The following ATG5 variants were observed in gnomAD, a reference collection of about 807,000 sequenced individuals.
The protein encoded by ATG5 is autophagy protein 5.
A neutral mutation model predicts 36.5 loss-of-function variants in ATG5; 14 were observed. That is an observed-to-expected ratio of 0.38 (90% CI 0.25 to 0.60). ATG5 has a LOEUF of 0.60. Ranked by LOEUF, ATG5 falls within the 20% of genes least tolerant of loss-of-function variation. ATG5 has a pLI of 0.60. For synonymous variants in ATG5, 95 were observed against 101.5 expected (o/e 0.94, Z 0.38); for missense variants, 195 against 326.7 (o/e 0.60, Z 3.11).
At chr6:106,310,396 T>C (rs1770603647) in intron 2 of ATG5, among the ~76,000 whole-genome samples, 1 of 152,130 alleles carries the variant, frequency 6.6e-6, no homozygotes, top group Non-Finnish European at 1.5e-5. Flanking sequence ...GACTATTCTA[T>C]AGTACATATA....
At chr6:106,256,903 T>C (rs1293816629) in intron 5 of ATG5, among the ~76,000 whole-genome samples, 2 of 152,224 alleles carry the variant, frequency 1.3e-5, no homozygotes, top group East Asian at 3.8e-4. Flanking sequence ...AACTTAAGCT[T>C]ACTATAGCTT....
At chr6:106,306,254 C>T (rs1287362402) in intron 3 of ATG5, among the ~76,000 whole-genome samples, 1 of 152,146 alleles carries the variant, frequency 6.6e-6, no homozygotes, top group Non-Finnish European at 1.5e-5. Flanking sequence ...TGGGTCCAAA[C>T]ACTATTTACC....
At chr6:106,219,875 C>T (rs1284268755) in intron 6 of ATG5, among the ~76,000 whole-genome samples, 2 of 152,122 alleles carry the variant, frequency 1.3e-5, no homozygotes, top group African/African-American at 2.4e-5. Context: ...TACTCAAATA[C>T]GGTTTCCAAA....
intron 6 of ATG5, among the ~76,000 whole-genome samples, chr6:106,215,908 T>C (rs1777021202): frequency 1.3e-5 from 2 of 152,094 alleles, no homozygotes; most frequent in African/African-American, 4.8e-5. Flanking sequence ...AACTTATAAA[T>C]AAAAAGTTAA....
chr6:106,187,718 G>C (rs1775827334), intron 7 of ATG5, among the ~76,000 whole-genome samples: 1 of 152,132 alleles, frequency 6.6e-6, no homozygotes, highest in African/African-American at 2.4e-5. Context: ...GAATCTGTAA[G>C]TGCTCTAAGG....
At chr6:106,275,524 T>C (rs1779607541) in intron 5 of ATG5, among the ~76,000 whole-genome samples, 2 of 152,038 alleles carry the variant, frequency 1.3e-5, no homozygotes, top group South Asian at 4.1e-4. Flanking sequence ...AAAAACAAAA[T>C]GGAATAAAGT....
chr6:106,259,121 T>C (rs780088721), intron 5 of ATG5, among the ~76,000 whole-genome samples: 1 of 152,168 alleles, frequency 6.6e-6, no homozygotes, highest in Admixed American at 6.5e-5. Context: ...AAGAAGTATT[T>C]TCCTCAAAAC....
intron 7 of ATG5, among the ~76,000 whole-genome samples, chr6:106,192,371 C>A (rs1410483799): frequency 5.3e-5 from 8 of 151,906 alleles, no homozygotes; most frequent in Admixed American, 5.2e-4. Flanking sequence ...TACTAATTAC[C>A]TTTCTCATCC....
chr6:106,265,168 C>CAAAAAA (rs748718301), intron 5 of ATG5, among the ~76,000 whole-genome samples: 5 of 56,714 alleles, frequency 8.8e-5, no homozygotes, highest in African/African-American at 1.4e-4. Flanking sequence ...AAATGGAAAG[C>CAAAAAA]AAAAAAAAAA....
At chr6:106,290,057 CTG>C (rs80268160) in intron 4 of ATG5, among the ~76,000 whole-genome samples, 22,727 of 151,622 alleles carry the variant, frequency 0.15, 2,039 homozygotes, top group Non-Finnish European at 0.19. Context: ...GAGTTTCACT[CTG>C]TCACCCAGGA....
intron 6 of ATG5, among the ~76,000 whole-genome samples, chr6:106,211,440 G>A (rs973874437): frequency 3.3e-5 from 5 of 152,240 alleles, no homozygotes; most frequent in Admixed American, 2.0e-4. Context: ...GCCGGGCGTG[G>A]TGGCTCACGC....
chr6:106,276,098 CTG>C (rs1392398569), intron 5 of ATG5, among the ~76,000 whole-genome samples: 1 of 152,212 alleles, frequency 6.6e-6, no homozygotes, highest in African/African-American at 2.4e-5. Flanking sequence ...TTCACACAAA[CTG>C]TATTAGTGTT....
chr6:106,202,292 C>G (rs1270901184), intron 6 of ATG5: 2 of 451,692 alleles, frequency 4.4e-6, no homozygotes, highest in Non-Finnish European at 7.9e-6. Context: ...AGGAAACAGA[C>G]AAATCCAAAG....
At chr6:106,237,796 G>A (rs1777957868) in intron 6 of ATG5, among the ~76,000 whole-genome samples, 1 of 152,108 alleles carries the variant, frequency 6.6e-6, no homozygotes. Flanking sequence ...AGTTGGTTAG[G>A]ATTTCCTTAG....
intron 1 of ATG5, among the ~76,000 whole-genome samples, chr6:106,324,055 G>C (rs964494049): frequency 6.6e-6 from 1 of 152,002 alleles, no homozygotes; most frequent in African/African-American, 2.4e-5. Context: ...CCATCTCTTG[G>C]CATTCCCTAT....
chr6:106,207,108 T>C (rs1247988294), intron 6 of ATG5, among the ~76,000 whole-genome samples: 1 of 152,170 alleles, frequency 6.6e-6, no homozygotes. Flanking sequence ...AATAACATGA[T>C]GTAAGTCACC....
intron 1 of ATG5, among the ~76,000 whole-genome samples, chr6:106,321,364 T>C (rs1180610983): frequency 2.6e-4 from 38 of 147,402 alleles, no homozygotes; most frequent in African/African-American, 5.5e-4. Context: ...GGTCAACTCT[T>C]TTTTTTTTTT....
chr6:106,223,324 T>G (rs181668128), intron 6 of ATG5, among the ~76,000 whole-genome samples: 28 of 152,310 alleles, frequency 1.8e-4, no homozygotes, highest in African/African-American at 6.5e-4. Context: ...AATAGAAATG[T>G]AATTTTAAAC....
At chr6:106,317,705 T>C (rs187135348) in intron 1 of ATG5, among the ~76,000 whole-genome samples, 44 of 152,304 alleles carry the variant, frequency 2.9e-4, no homozygotes, top group Admixed American at 2.1e-3. Flanking sequence ...TCCACACTGA[T>C]AGGCTACAAA....
Sources: allele counts gnomAD v4.1 joint callset (sites outside exome capture counted in the v4.1 genomes callset), GRCh38; gene constraint gnomAD v4.1.1; transcripts MANE v1.5; gene names NCBI Gene and HGNC (gene_info 2026-07-23, HGNC 2026-07-21).